The following GYS1 variants were observed in gnomAD, a reference collection of about 807,000 sequenced individuals.
GYS1 encodes the protein glycogen synthase 1, also known as glycogen [starch] synthase, muscle.
A neutral mutation model predicts 89.1 loss-of-function variants in GYS1; 60 were observed. The observed-to-expected ratio is 0.67, with a 90% CI of 0.55 to 0.84. The LOEUF (loss-of-function observed/expected upper bound fraction) is 0.84, where lower values mean the gene tolerates loss of function less well. Among genes scored for constraint, GYS1 ranks in the 40% least tolerant of loss-of-function variants. The probability of loss-of-function intolerance (pLI) is 0.00; values close to 1 mark genes in which losing one functional copy is unlikely to be tolerated. For missense variants in GYS1, 888 were observed against 1,003.1 expected (o/e 0.89, Z 1.55); for synonymous variants, 366 against 401.7 (o/e 0.91, Z 1.06).
chr19:48,971,859 T>A (rs2038569753), intron 12 of GYS1, among the ~76,000 whole-genome samples: 1 of 147,920 alleles, frequency 6.8e-6, no homozygotes, highest in Non-Finnish European at 1.5e-5. Flanking sequence ...CCTGGCCCAA[T>A]GCTTTTTTTT....
At position 48,968,131 on chromosome 19, in the gene GYS1, T is replaced by TA. The variant is rs1568613882; in HGVS notation, c.*1156_*1157insT. ...TGTCATGTCTGACCACACCTGGGAT[T>TA]CTTAAATATAGATGTATTTTTTTCA... On this transcript the variant is annotated 3_prime_UTR_variant, in exon 16 of 16. Coordinates refer to ENST00000323798, the MANE Select transcript of GYS1 (RefSeq NM_002103.5). The TA allele has an allele frequency of 2.2e-6, 1 of 446,338 alleles. No homozygotes were observed. Among genetic ancestry groups the TA allele is most frequent in the Non-Finnish European group, 4.5e-6 (1 of 220,970 alleles). 27.6% of individuals were successfully genotyped at this position (446,338 alleles called of 1,614,324 possible). A position where few individuals can be genotyped will look rare whatever the true frequency, so the allele number is the denominator to read the frequency against.
intron 12 of GYS1, among the ~76,000 whole-genome samples, chr19:48,971,819 G>A (rs1425896044): frequency 6.6e-6 from 1 of 150,608 alleles, no homozygotes; most frequent in East Asian, 1.9e-4. Context: ...GCTTCCCAAA[G>A]TGGTCAAATT....
rs958342375 is a variant in GYS1 at position 48,978,678 on chromosome 19, C to T, written c.1170-521G>A. Among the ~76,000 whole-genome samples the T allele has an allele frequency of 4.0e-5, 6 of 151,604 alleles. No individual in the cohort carries two copies. The East Asian group carries it at 9.7e-4, about 24-fold the overall frequency. Reference sequence around the variant, plus strand: ...TCCTGAGTAGCCGGGATTACAGGCACCTGCCACCATGCCCGGCTAATTTTT... The same window carrying T: ...TCCTGAGTAGCCGGGATTACAGGCATCTGCCACCATGCCCGGCTAATTTTT... On this transcript the variant is annotated intron_variant, in intron 8 of 15. Transcript: ENST00000323798.
At chr19:48,992,710 G>T (rs1057104709) in intron 1 of GYS1, among the ~76,000 whole-genome samples, 2 of 152,196 alleles carry the variant, frequency 1.3e-5, no homozygotes, top group African/African-American at 4.8e-5. Context: ...CAGGACCCAG[G>T]TATCTAGTCT....
chr19:48,985,673 G>T, intron 4 of GYS1, 68 bp from the exon 5 acceptor site: 2 of 1,584,460 alleles, frequency 1.3e-6, no homozygotes, highest in South Asian at 1.1e-5. Context: ...CCAGACACTG[G>T]GGTCCCAAGA....
intron 14 of GYS1, 184 bp downstream of exon 14, chr19:48,970,362 C>A: frequency 1.6e-6 from 1 of 611,190 alleles, no homozygotes. Flanking sequence ...TCATGCGATC[C>A]TTCCTGTTAG....
At chr19:48,975,723 C>T (rs1053142567) in intron 10 of GYS1, among the ~76,000 whole-genome samples, 30 of 151,440 alleles carry the variant, frequency 2.0e-4, no homozygotes, top group Non-Finnish European at 4.1e-4. Context: ...GTCAGGAGAT[C>T]GAGACCATCC....
chr19:48,975,298 T>G (rs1013050009), intron 10 of GYS1, among the ~76,000 whole-genome samples: 2 of 150,760 alleles, frequency 1.3e-5, no homozygotes, highest in Non-Finnish European at 3.0e-5. Flanking sequence ...GGTCTCGAAC[T>G]CATGGGCTCA....
intron 2 of GYS1, among the ~76,000 whole-genome samples, chr19:48,990,024 G>GC (rs909532637): frequency 8.5e-6 from 1 of 118,084 alleles, no homozygotes; most frequent in Non-Finnish European, 1.7e-5. Context: ...CTATTCTTAG[G>GC]CCCCCAGCAC....
intron 10 of GYS1, among the ~76,000 whole-genome samples, chr19:48,975,911 C>CAA (rs760164673): frequency 0.14 from 5,894 of 40,774 alleles, 442 homozygotes; most frequent in Non-Finnish European, 0.18. Context: ...GACTCCGTCT[C>CAA]AAAAAAAAAA....
intron 10 of GYS1, among the ~76,000 whole-genome samples, chr19:48,976,133 G>A (rs545739894): frequency 6.6e-6 from 1 of 152,042 alleles, no homozygotes; most frequent in Admixed American, 6.6e-5. Context: ...AGGGGCCCGA[G>A]AAACTACAAC....
chr19:48,970,507 C>T (rs2038546262), intron 14 of GYS1, 39 bp downstream of exon 14: 5 of 1,586,918 alleles, frequency 3.2e-6, no homozygotes, highest in Non-Finnish European at 4.3e-6. Context: ...CCAGGAGCTG[C>T]TGATTTGCCA....
chr19:48,993,164 G>T lies in GYS1; in HGVS notation c.-52C>A. On this transcript the variant is annotated 5_prime_UTR_variant, in exon 1 of 16. Transcript: ENST00000323798. ...GGATCTCCAGGTAGGGACCCCGGAG[G>T]TGTCTAGGGAATGCACCAGGTAGGG... The T allele has an allele frequency of 2.0e-6, 2 of 1,023,292 alleles. No homozygotes were observed. Among genetic ancestry groups the T allele is most frequent in the Non-Finnish European group, 1.6e-6 (1 of 642,520 alleles). 63.4% of individuals were successfully genotyped at this position (1,023,292 alleles called of 1,614,324 possible). A position where few individuals can be genotyped will look rare whatever the true frequency, so the allele number is the denominator to read the frequency against.
rs531029589 is a variant in GYS1, at chr19:48,968,199, CCCTCT to C, written c.*1084_*1088del. ...CTCCAATCACACCCCTCCTGCCCTC[CCCTCT>C]CAACTGCAAACCAAGCGGTGCAGAC... On this transcript the variant is annotated 3_prime_UTR_variant, in exon 16 of 16. Transcript: ENST00000323798. The C allele has an allele frequency of 2.4e-5, 11 of 454,064 alleles. No homozygotes were observed. The highest frequency in any genetic ancestry group is 4.4e-5 in the Non-Finnish European group (10 of 226,818). The allele number at this position is 454,064 out of a possible 1,614,324, so 28.1% of individuals were successfully genotyped here.
chr19:48,969,108 C>G lies in GYS1; in HGVS notation c.*180G>C, dbSNP rs758685765. Reference sequence around the variant, plus strand: ...AGAGAAAGGCACGGCTTTGTGGATTCTGGAGTGCAGGAACTTGGAAACTGG... The same window carrying G: ...AGAGAAAGGCACGGCTTTGTGGATTGTGGAGTGCAGGAACTTGGAAACTGG... On this transcript the variant is annotated 3_prime_UTR_variant, in exon 16 of 16. Transcript: ENST00000323798. 1 of 641,820 alleles carries G rather than the reference C, an allele frequency of 1.6e-6. No homozygotes were observed. The highest frequency in any genetic ancestry group is 2.7e-5 in the Admixed American group (1 of 37,428). The allele number at this position is 641,820 out of a possible 1,614,324, so 39.8% of individuals were successfully genotyped here. A position where few individuals can be genotyped will look rare whatever the true frequency, so the allele number is the denominator to read the frequency against.
intron 8 of GYS1, among the ~76,000 whole-genome samples, chr19:48,979,584 T>C (rs1044283431): frequency 5.5e-4 from 83 of 150,568 alleles, no homozygotes; most frequent in African/African-American, 1.8e-3. Context: ...TGATCTGCCC[T>C]CCTCAGCCTC....
Position 48,993,091 on chromosome 19 carries a change from A to T in GYS1, c.22T>A (p.Ser8Thr). MPLNRTLSMSSLPGLEDW... is the reference protein window; with the variant it reads MPLNRTLTMSSLPGLEDW... ...TCCAGTCCTGGCAGTGAGGACATGG[A>T]CAAAGTGCGGTTTAAAGGCATGGCT... The change falls in exon 1 of 16, where the codon TCC becomes ACC. Residue 8 changes from serine to threonine, a missense_variant. Ser to Thr is a moderately conservative substitution (Grantham distance 58). Transcript: ENST00000323798. 6.2e-7 allele frequency: 1 copy of T among 1,610,878 alleles called. No homozygotes were observed. The highest frequency in any genetic ancestry group is 8.5e-7 in the Non-Finnish European group (1 of 1,177,142).
chr19:48,969,302 C>T lies in GYS1; in HGVS notation c.2200G>A (p.Glu734Lys), dbSNP rs1338075033. ...GTGGGGCGGACTTAGTTACGCTCCTCGCCCAGGGAGCTGGTGGGGCTGAGG... is the reference window on the plus strand; with the variant it reads ...GTGGGGCGGACTTAGTTACGCTCCTTGCCCAGGGAGCTGGTGGGGCTGAGG... ...EPLSPTSSLG[E>K]ERN The change falls in exon 16 of 16, where the codon GAG (glutamate) becomes AAG (lysine). Residue 734 changes from glutamate (E) to lysine (K), a missense_variant. Physicochemically the swap from Glu to Lys is moderately conservative, Grantham distance 56. Coordinates refer to ENST00000323798, the MANE Select transcript of GYS1 (RefSeq NM_002103.5). The T allele has an allele frequency of 1.9e-6, 3 of 1,562,424 alleles. No individual in the cohort carries two copies. The highest frequency in any genetic ancestry group is 1.2e-5 in the South Asian group (1 of 86,152).
At chr19:48,972,728 C>T (rs1440141728) in intron 12 of GYS1, among the ~76,000 whole-genome samples, 2 of 152,188 alleles carry the variant, frequency 1.3e-5, no homozygotes, top group Non-Finnish European at 2.9e-5. Flanking sequence ...ATCCTCCCAC[C>T]TCGGCCTCCC....
Sources: gnomAD v4.1 joint callset for allele counts (sites outside exome capture counted in the v4.1 genomes callset) on GRCh38, gnomAD v4.1.1 for gene constraint, MANE v1.5 for transcripts, NCBI Gene and HGNC (gene_info 2026-07-23, HGNC 2026-07-21) for gene names.